FARP1: variants seen among roughly 807,000 people sequenced by gnomAD.
FARP1 encodes the protein FERM, ARH/RhoGEF and pleckstrin domain protein 1.
In FARP1, 52 loss-of-function variants were observed where a neutral mutation model predicts 128.8. That is an observed-to-expected ratio of 0.40 (90% CI 0.32 to 0.51). The LOEUF (loss-of-function observed/expected upper bound fraction) is 0.51, where lower values mean the gene tolerates loss of function less well. Ranked by LOEUF, FARP1 falls within the 20% of genes least tolerant of loss-of-function variation. The probability of loss-of-function intolerance (pLI) is 0.45; values close to 1 mark genes in which losing one functional copy is unlikely to be tolerated. For missense variants in FARP1, 1,333 were observed against 1,367.9 expected (o/e 0.97, Z 0.40); for synonymous variants, 580 against 551.8 (o/e 1.05, Z -0.72).
Position 98,450,048 on chromosome 13 carries a change from T to G in FARP1, c.*1731T>G, listed in dbSNP as rs1461062367. On this transcript the variant is annotated 3_prime_UTR_variant, in exon 27 of 27. Transcript: ENST00000319562. Reference sequence around the variant, plus strand: ...AGCTATTTATTTCTGAATGATTGATTGATTCCAAACTACTTGCTGGACACT... The same window carrying G: ...AGCTATTTATTTCTGAATGATTGATGGATTCCAAACTACTTGCTGGACACT... 1 of 152,142 alleles carries G rather than the reference T, an allele frequency of 6.6e-6. No individual in the cohort carries two copies. Among genetic ancestry groups the G allele is most frequent in the Non-Finnish European group, 1.5e-5 (1 of 68,010 alleles). The allele number at this position is 152,142 out of a possible 1,614,324, so 9.4% of individuals were successfully genotyped here.
intron 2 of FARP1, chr13:98,330,055 G>A (rs973721572): frequency 1.3e-5 from 2 of 152,404 alleles, no homozygotes; most frequent in African/African-American, 4.8e-5. Context: ...CCTGACGTGA[G>A]CAAAGCGAAG....
At chr13:98,335,791 G>A (rs1887713549) in intron 2 of FARP1, among the ~76,000 whole-genome samples, 2 of 152,166 alleles carry the variant, frequency 1.3e-5, no homozygotes, top group South Asian at 2.1e-4. Flanking sequence ...GAGATGGGTC[G>A]AGAGTTGGTG....
chr13:98,319,349 A>G (rs546037021), intron 2 of FARP1, among the ~76,000 whole-genome samples: 85 of 152,308 alleles, frequency 5.6e-4, no homozygotes, highest in Non-Finnish European at 1.3e-4. Context: ...AGCCAGGTGC[A>G]GTGGCTCACG....
chr13:98,402,424 T>A (rs1451703992), intron 13 of FARP1: 1 of 152,244 alleles, frequency 6.6e-6, no homozygotes, highest in African/African-American at 2.4e-5. Context: ...TGAATCAGGA[T>A]TGATAGCTGG....
chr13:98,279,908 G>T (rs61970244), intron 2 of FARP1, among the ~76,000 whole-genome samples: 146 of 152,088 alleles, frequency 9.6e-4, no homozygotes, highest in Non-Finnish European at 1.6e-3. Flanking sequence ...TCTGTCTTCC[G>T]GGTCTCCCCC....
rs190162881 is a variant in FARP1 at position 98,253,172 on chromosome 13, A to G, written c.171+39759A>G. On this transcript the variant is annotated intron_variant, in intron 2 of 26. Coordinates refer to ENST00000319562, the MANE Select transcript of FARP1 (RefSeq NM_005766.4). ...AAAAATGTTAAGTTTCTGATCTTTA[A>G]AAAGGGTGTTGAGGGAGATGAAAAT... 6.2e-4 allele frequency among the ~76,000 whole-genome samples: 94 copies of G among 152,334 alleles called. 1 individual carries two copies. The highest frequency in any genetic ancestry group is 3.3e-4 in the Admixed American group (5 of 15,306).
At chr13:98,286,788 C>G (rs1320111337) in intron 2 of FARP1, among the ~76,000 whole-genome samples, 1 of 152,114 alleles carries the variant, frequency 6.6e-6, no homozygotes, top group Non-Finnish European at 1.5e-5. Context: ...GGCACTTCTT[C>G]TTGTTGTTGT....
At chr13:98,382,808 C>T (rs544295001) in intron 6 of FARP1, among the ~76,000 whole-genome samples, 3 of 152,076 alleles carry the variant, frequency 2.0e-5, no homozygotes, top group African/African-American at 7.2e-5. Context: ...CATTTTTGTG[C>T]ATGTTTTTGG....
intron 2 of FARP1, among the ~76,000 whole-genome samples, chr13:98,313,117 C>T (rs1439946884): frequency 1.3e-5 from 2 of 149,616 alleles, no homozygotes; most frequent in Non-Finnish European, 3.0e-5. Flanking sequence ...AATACACACA[C>T]ACACACACAC....
chr13:98,314,853 G>A (rs540470786), intron 2 of FARP1, among the ~76,000 whole-genome samples: 4 of 152,220 alleles, frequency 2.6e-5, no homozygotes, highest in Non-Finnish European at 4.4e-5. Flanking sequence ...GGGGCAGACC[G>A]ATTGTCCTTA....
In FARP1 at chr13:98,343,924, T is replaced by A. The variant is rs1440660723; in HGVS notation, c.276+58T>A. 27 of 1,113,602 alleles carry A rather than the reference T, an allele frequency of 2.4e-5. No homozygotes were observed. The Admixed American group carries it at 4.6e-4, about 19-fold the overall frequency. The allele number at this position is 1,113,602 out of a possible 1,614,324, so 69.0% of individuals were successfully genotyped here. ...CTGTCTGTTCATCTTGGTGGGGGGC[T>A]GGGCAGGGGCCAGTCTAAATGATTG... is the stretch of plus-strand genomic sequence containing the variant. On this transcript the variant is annotated intron_variant, in intron 3 of 26. Transcript: ENST00000319562.
chr13:98,230,307 T>TA (rs11410102), intron 2 of FARP1, among the ~76,000 whole-genome samples: 27,968 of 152,140 alleles, frequency 0.18, 6,449 homozygotes, highest in African/African-American at 0.51. Context: ...AAATTAACCC[T>TA]AACCCTCCGA....
At chr13:98,416,800 G>A (rs1891391143) in intron 16 of FARP1, among the ~76,000 whole-genome samples, 1 of 152,122 alleles carries the variant, frequency 6.6e-6, no homozygotes, top group African/African-American at 2.4e-5. Context: ...AGAGTGCCTT[G>A]GTAGATTCTG....
chr13:98,353,074 A>C (rs1462532602), intron 3 of FARP1, among the ~76,000 whole-genome samples: 1 of 152,174 alleles, frequency 6.6e-6, no homozygotes, highest in Non-Finnish European at 1.5e-5. Context: ...ATCTCCCATG[A>C]ACTCTGAGTG....
At chr13:98,355,256 G>A (rs1888595180) in intron 3 of FARP1, among the ~76,000 whole-genome samples, 1 of 152,056 alleles carries the variant, frequency 6.6e-6, no homozygotes, top group Admixed American at 6.6e-5. Flanking sequence ...TGAGGCAAGA[G>A]GATCACTTGA....
At chr13:98,189,460 G>C (rs1260981760) in intron 1 of FARP1, among the ~76,000 whole-genome samples, 1 of 152,102 alleles carries the variant, frequency 6.6e-6, no homozygotes, top group Non-Finnish European at 1.5e-5. Flanking sequence ...AGGCAGACAA[G>C]AACAGCTTTT....
At chr13:98,426,975 AAC>A (rs754437296) in intron 17 of FARP1, among the ~76,000 whole-genome samples, 4 of 152,152 alleles carry the variant, frequency 2.6e-5, no homozygotes, top group Non-Finnish European at 5.9e-5. Context: ...TCCACCCCTA[AAC>A]ACACAGTTTC....
intron 2 of FARP1, among the ~76,000 whole-genome samples, chr13:98,278,597 A>AT: frequency 6.6e-6 from 1 of 152,236 alleles, no homozygotes; most frequent in East Asian, 1.9e-4. Context: ...CGGAGTGTAT[A>AT]TTGATTGGCA....
intron 2 of FARP1, among the ~76,000 whole-genome samples, chr13:98,253,437 A>T (rs1254337137): frequency 6.6e-6 from 1 of 152,126 alleles, no homozygotes; most frequent in Non-Finnish European, 1.5e-5. Context: ...ATCAGTGAAG[A>T]AACTGAGACT....
Sources: allele counts gnomAD v4.1 joint callset (sites outside exome capture counted in the v4.1 genomes callset), GRCh38; gene constraint gnomAD v4.1.1; transcripts MANE v1.5; gene names NCBI Gene and HGNC (gene_info 2026-07-23, HGNC 2026-07-21).